Variants in CDH1 observed in about 807,000 individuals in gnomAD.
CDH1 encodes the protein cadherin-1.
A neutral mutation model predicts 84.5 loss-of-function variants in CDH1; 35 were observed. That is an observed-to-expected ratio of 0.41 (90% CI 0.32 to 0.55). The LOEUF is 0.55. Ranked by LOEUF, CDH1 falls within the 20% of genes least tolerant of loss-of-function variation. The probability of loss-of-function intolerance (pLI) is 0.19; values close to 1 mark genes in which losing one functional copy is unlikely to be tolerated. For synonymous variants in CDH1, 417 were observed against 439.0 expected (o/e 0.95, Z 0.63); for missense variants, 994 against 1,126.6 (o/e 0.88, Z 1.68).
chr16:68,758,236 A>ATTT (rs1963074068), intron 2 of CDH1, among the ~76,000 whole-genome samples: 5 of 36,516 alleles, frequency 1.4e-4, no homozygotes, highest in Non-Finnish European at 1.7e-4. Context: ...TTTTTTTTTG[A>ATTT]GAGAGAGAGA....
Position 68,771,433 on chromosome 16 carries a change from C to T in CDH1, c.164-30237C>T, listed in dbSNP as rs548299904. ...TCCCGAGTAGCTGGGACCATAGGCA[C>T]GTGCCACCATACCTGGCTAATTTAA... On this transcript the variant is annotated intron_variant, in intron 2 of 15. Transcript: ENST00000261769. 2.2e-4 allele frequency among the ~76,000 whole-genome samples: 34 copies of T among 152,234 alleles called. No homozygotes were observed. In the East Asian group the frequency reaches 4.3e-3, roughly 19 times the overall value.
intron 6 of CDH1, 112 bp downstream of exon 6, chr16:68,810,453 A>G (rs2152131385): frequency 2.0e-6 from 2 of 1,011,716 alleles, no homozygotes; most frequent in Non-Finnish European, 3.1e-6. Flanking sequence ...CTTCCTACGG[A>G]CAGAACTTCT....
chr16:68,798,528 C>T (rs1960420604), intron 2 of CDH1, among the ~76,000 whole-genome samples: 1 of 152,160 alleles, frequency 6.6e-6, no homozygotes, highest in Non-Finnish European at 1.5e-5. Flanking sequence ...ACTGTCACTT[C>T]TCAAAGGGTA....
At chr16:68,745,550 A>AAATATATAAATATATG (rs71253605) in intron 2 of CDH1, among the ~76,000 whole-genome samples, 1 of 50,498 alleles carries the variant, frequency 2.0e-5, no homozygotes, top group South Asian at 6.3e-4. Context: ...AAAAAAAAAA[A>AAATATATAAATATATG]TATATATATA....
intron 12 of CDH1, chr16:68,822,457 T>C (rs1961181980): frequency 1.7e-6 from 1 of 588,948 alleles, no homozygotes; most frequent in Non-Finnish European, 3.1e-6. Flanking sequence ...CAGGGCTCCC[T>C]CTCCCAGCCT....
Position 68,811,757 on chromosome 16 carries a change from CA to C in CDH1, c.907del (p.Thr303ProfsTer53), listed in dbSNP as rs2152131991. 6.2e-7 allele frequency: 1 copy of C among 1,614,096 alleles called. No homozygotes were observed. The highest frequency in any genetic ancestry group is 8.5e-7 in the Non-Finnish European group (1 of 1,179,984). On this transcript the variant is annotated frameshift_variant, in exon 7 of 16. Coordinates refer to ENST00000261769, the MANE Select transcript of CDH1 (RefSeq NM_004360.5). LOFTEE classifies it high-confidence loss of function. The part of the protein sequence containing the change: ...VNTYNAAIAY[T>X]ILSQDPELPD... Reference sequence around the variant, plus strand: ...ACACCTACAATGCCGCCATCGCTTACACCATCCTCAGCCAAGATCCTGAGCT... The same window carrying C: ...ACACCTACAATGCCGCCATCGCTTACCCATCCTCAGCCAAGATCCTGAGCT...
intron 15 of CDH1, 81 bp downstream of exon 15, chr16:68,829,878 C>A: frequency 1.4e-6 from 2 of 1,386,538 alleles, no homozygotes; most frequent in Non-Finnish European, 2.0e-6. Context: ...GAAAAAGAGT[C>A]TTTAGATTCT....
intron 5 of CDH1, 144 bp from the exon 6 acceptor site, chr16:68,810,053 A>G: frequency 5.0e-6 from 4 of 800,232 alleles, no homozygotes; most frequent in South Asian, 2.8e-5. Context: ...GCAGCAGCAC[A>G]TGTGTGAGAA....
intron 2 of CDH1, among the ~76,000 whole-genome samples, chr16:68,764,463 G>C (rs1384526751): frequency 6.6e-6 from 1 of 152,214 alleles, no homozygotes; most frequent in South Asian, 2.1e-4. Flanking sequence ...TGTAGTCCAA[G>C]CTACTTGGGA....
At chr16:68,817,442 G>C (rs1176965080) in intron 10 of CDH1, among the ~76,000 whole-genome samples, 1 of 152,206 alleles carries the variant, frequency 6.6e-6, no homozygotes, top group Non-Finnish European at 1.5e-5. Context: ...CAAATCCATT[G>C]GGTGAAAATT....
intron 2 of CDH1, among the ~76,000 whole-genome samples, chr16:68,750,558 AT>A (rs1258845919): frequency 6.6e-6 from 1 of 152,072 alleles, no homozygotes; most frequent in African/African-American, 2.4e-5. Context: ...CAAGTTCTAG[AT>A]AATAATTAGC....
rs2152135174 is a variant in CDH1 at position 68,815,768 on chromosome 16, G to C, written c.1565+9G>C. 6.2e-7 allele frequency: 1 copy of C among 1,614,210 alleles called. No individual in the cohort carries two copies. The highest frequency in any genetic ancestry group is 8.5e-7 in the Non-Finnish European group (1 of 1,180,044). On this transcript the variant is annotated intron_variant, in intron 10 of 15. Transcript: ENST00000261769. ...ATGGAACAGAAAATAACGTAAGTGT[G>C]AGGATTTTTCAACTGACTTGCAGCA...
chr16:68,784,956 A>G (rs894820332), intron 2 of CDH1, among the ~76,000 whole-genome samples: 9 of 151,996 alleles, frequency 5.9e-5, no homozygotes, highest in Non-Finnish European at 1.2e-4. Context: ...TGCCTTTTGC[A>G]CTGTGATTGC....
At position 68,806,120 on chromosome 16, in the gene CDH1, GTATATTTA is replaced by G. The variant is rs1346797039; in HGVS notation, c.388-2302_388-2295del. Among the ~76,000 whole-genome samples, 89 of 123,964 alleles carry G rather than the reference GTATATTTA, an allele frequency of 7.2e-4. No individual in the cohort carries two copies. The Middle Eastern group carries it at 0.012, about 16-fold the overall frequency. The allele number at this position is 123,964 out of a possible 152,430, so 81.3% of individuals were successfully genotyped here. On this transcript the variant is annotated intron_variant, in intron 3 of 15. Transcript: ENST00000261769. ...ATGCCACCATGCCTGGCTAATTTTT[GTATATTTA>G]TTTATTTATTTATTTATTTATTTAT...
intron 3 of CDH1, among the ~76,000 whole-genome samples, chr16:68,803,233 C>T (rs1357089099): frequency 6.6e-6 from 1 of 152,112 alleles, no homozygotes; most frequent in African/African-American, 2.4e-5. Flanking sequence ...ATTTTTCTCC[C>T]TGGTGTAATT....
At chr16:68,812,620 C>A (rs1960870382) in intron 8 of CDH1, among the ~76,000 whole-genome samples, 1 of 152,204 alleles carries the variant, frequency 6.6e-6, no homozygotes, top group African/African-American at 2.4e-5. Context: ...CCATCACACA[C>A]AAAGATTCCA....
At chr16:68,810,872 A>G (rs560885659) in intron 6 of CDH1, among the ~76,000 whole-genome samples, 60 of 152,064 alleles carry the variant, frequency 3.9e-4, no homozygotes, top group African/African-American at 1.4e-3. Context: ...TCTCAAAAAA[A>G]AAAAAATTTT....
intron 2 of CDH1, among the ~76,000 whole-genome samples, chr16:68,794,172 A>G (rs1238643593): frequency 6.6e-6 from 1 of 152,000 alleles, no homozygotes; most frequent in East Asian, 1.9e-4. Context: ...AGCTGGGACT[A>G]CAGGCACACA....
chr16:68,777,881 ACCACCACGC>A (rs1959778903), intron 2 of CDH1, among the ~76,000 whole-genome samples: 1 of 151,526 alleles, frequency 6.6e-6, no homozygotes, highest in Middle Eastern at 3.4e-3. Flanking sequence ...ACAGGCGCAC[ACCACCACGC>A]CCAGCTAACT....
Sources: allele counts gnomAD v4.1 joint callset (sites outside exome capture counted in the v4.1 genomes callset), GRCh38; gene constraint gnomAD v4.1.1; transcripts MANE v1.5; gene names NCBI Gene and HGNC (gene_info 2026-07-23, HGNC 2026-07-21).